The following COL10A1 variants were observed in gnomAD, a reference collection of about 807,000 sequenced individuals.
The protein encoded by COL10A1 is collagen alpha-1(X) chain.
In COL10A1, 10 loss-of-function variants were observed where a neutral mutation model predicts 18.2. The ratio of observed to expected loss-of-function variants is 0.55; its 90% CI spans 0.34 to 0.93. The LOEUF is 0.93. COL10A1 is among the 40% of genes least tolerant of loss of function. The pLI, the probability that COL10A1 is intolerant of heterozygous loss-of-function variation, is 0.02. For synonymous variants in COL10A1, 330 were observed against 316.6 expected, an observed-to-expected ratio of 1.04 and a Z score of -0.45; for missense variants, 897 against 853.5, an observed-to-expected ratio of 1.05 and a Z score of -0.64.
chr6:116,120,789 C>G lies in COL10A1; in HGVS notation c.1327G>C (p.Gly443Arg). 1 of 1,613,608 alleles carries G rather than the reference C, an allele frequency of 6.2e-7. No homozygotes were observed. Residue 443 changes from glycine (G) to arginine (R), a missense_variant, in exon 3 of 3, where the codon GGT becomes CGT. Physicochemically the swap from Gly to Arg is moderately radical, Grantham distance 125. Transcript: ENST00000651968. ...CTAGTACCTGGTATTCCAGGGGCAC[C>G]TCTTGGGCCAGCCTCTCCATTGTGT... The part of the protein sequence containing the change: ...PGHNGEAGPR[G>R]APGIPGTRGP...
At chr6:116,213,210 A>C in the COL10A1 span, among the ~76,000 whole-genome samples, 1 of 152,084 alleles carries the variant, frequency 6.6e-6, no homozygotes, top group Non-Finnish European at 1.5e-5. Flanking sequence ...TTGCAGTCAG[A>C]TGTCAGTGGG....
At chr6:116,159,574 G>T (rs79490239), upstream of COL10A1, among the ~76,000 whole-genome samples, 7 of 152,126 alleles carry the variant, frequency 4.6e-5, no homozygotes, top group African/African-American at 1.7e-4. Context: ...TGTAGCTATA[G>T]CCTGTAATTT....
At chr6:116,207,144 T>C in the COL10A1 span, among the ~76,000 whole-genome samples, 1 of 151,982 alleles carries the variant, frequency 6.6e-6, no homozygotes, top group Admixed American at 6.6e-5. Context: ...GGAGCTGATA[T>C]CTCTGCATTA....
At chr6:116,187,743 A>G in the COL10A1 span, among the ~76,000 whole-genome samples, 166 of 152,240 alleles carry the variant, frequency 1.1e-3, no homozygotes, top group Non-Finnish European at 2.0e-3. Flanking sequence ...ATGAAAGGCA[A>G]ATCAGTAAAG....
At chr6:116,146,906 A>G (rs1018347681) in intron 1 of COL10A1, among the ~76,000 whole-genome samples, 1 of 151,554 alleles carries the variant, frequency 6.6e-6, no homozygotes, top group African/African-American at 2.4e-5. Context: ...AATAAATTCC[A>G]CAGAGATCAA....
At chr6:116,160,230 C>A (rs1418145757), upstream of COL10A1, among the ~76,000 whole-genome samples, 1 of 152,130 alleles carries the variant, frequency 6.6e-6, no homozygotes, top group Non-Finnish European at 1.5e-5. Context: ...ACATTTCCAC[C>A]AACAGTGTAT....
At chr6:116,141,346 A>T (rs1779759154) in intron 1 of COL10A1, among the ~76,000 whole-genome samples, 1 of 151,746 alleles carries the variant, frequency 6.6e-6, no homozygotes, top group African/African-American at 2.4e-5. Context: ...TGTGTTGCAG[A>T]TACTTCCAGT....
chr6:116,197,986 A>G, the COL10A1 span, among the ~76,000 whole-genome samples: 1 of 152,072 alleles, frequency 6.6e-6, no homozygotes, highest in Non-Finnish European at 1.5e-5. Context: ...GTGGCAATTT[A>G]TGGCCCCAGG....
the COL10A1 span, among the ~76,000 whole-genome samples, chr6:116,211,915 C>T: frequency 1.3e-5 from 2 of 152,062 alleles, no homozygotes; most frequent in East Asian, 3.9e-4. Flanking sequence ...CACTGATGAA[C>T]AAAATGTTGC....
At chr6:116,153,332 C>T (rs1019920683) in intron 1 of COL10A1, among the ~76,000 whole-genome samples, 2 of 108,920 alleles carry the variant, frequency 1.8e-5, no homozygotes, top group Non-Finnish European at 3.7e-5. Flanking sequence ...TAAACATCAG[C>T]TCTAAAAGTT....
chr6:116,142,162 A>G (rs1582830501), intron 1 of COL10A1, among the ~76,000 whole-genome samples: 1 of 152,210 alleles, frequency 6.6e-6, no homozygotes, highest in East Asian at 1.9e-4. Flanking sequence ...TAATATATGA[A>G]ACTAATATTA....
At chr6:116,176,872 C>CA in the COL10A1 span, among the ~76,000 whole-genome samples, 1 of 152,170 alleles carries the variant, frequency 6.6e-6, no homozygotes, top group Admixed American at 6.6e-5. Context: ...GTGATCTTCT[C>CA]ACTTCTCCAA....
At chr6:116,181,478 A>G in the COL10A1 span, among the ~76,000 whole-genome samples, 1 of 152,136 alleles carries the variant, frequency 6.6e-6, no homozygotes, top group Admixed American at 6.6e-5. Flanking sequence ...TAAAAACCAT[A>G]GGAAACTAGG....
At chr6:116,165,479 T>C in the COL10A1 span, among the ~76,000 whole-genome samples, 3 of 152,262 alleles carry the variant, frequency 2.0e-5, no homozygotes, top group Non-Finnish European at 4.4e-5. Flanking sequence ...CTATAAATTA[T>C]AGATTTGGTG....
the COL10A1 span, among the ~76,000 whole-genome samples, chr6:116,166,037 C>T: frequency 1.3e-5 from 2 of 152,268 alleles, no homozygotes; most frequent in African/African-American, 4.8e-5. Flanking sequence ...ACAGCATTGC[C>T]TGGGGTCATG....
the COL10A1 span, among the ~76,000 whole-genome samples, chr6:116,172,767 C>G: frequency 1.3e-5 from 2 of 152,074 alleles, no homozygotes; most frequent in African/African-American, 4.8e-5. Flanking sequence ...ACTCAGGCAT[C>G]AAAAATAGTC....
intron 1 of COL10A1, among the ~76,000 whole-genome samples, chr6:116,145,199 C>T (rs1658463160): frequency 6.6e-6 from 1 of 152,042 alleles, no homozygotes; most frequent in Non-Finnish European, 1.5e-5. Context: ...TTGTCCTCAA[C>T]AGAGGACAAC....
Position 116,121,104 on chromosome 6 carries a change from C to G in COL10A1, c.1012G>C (p.Gly338Arg). Residue 338 changes from glycine (G) to arginine (R), a missense_variant, in exon 3 of 3, where the codon GGA becomes CGA. By Grantham distance (125) the Gly-to-Arg change is moderately radical. Transcript: ENST00000651968. ...TGGGGTCCCATATTCCCAGGGGGTC[C>G]AGTCAGACCTGGCTTCCCAGGAAGA... ...AGLPGKPGLTGPPGNMGPQGP... is the reference protein window; with the variant it reads ...AGLPGKPGLTRPPGNMGPQGP... 1 of 1,613,846 alleles carries G rather than the reference C, an allele frequency of 6.2e-7. No homozygotes were observed. Among genetic ancestry groups the G allele is most frequent in the Non-Finnish European group, 8.5e-7 (1 of 1,179,874 alleles).
the COL10A1 span, among the ~76,000 whole-genome samples, chr6:116,182,218 G>GGAGAGAGAGA: frequency 7.5e-6 from 1 of 133,330 alleles, no homozygotes; most frequent in Non-Finnish European, 1.6e-5. Context: ...AGTATTCCAT[G>GGAGAGAGAGA]GAGAGTGTGT....
Sources: gnomAD v4.1 joint callset for allele counts (sites outside exome capture counted in the v4.1 genomes callset) on GRCh38, gnomAD v4.1.1 for gene constraint, MANE v1.5 for transcripts, NCBI Gene and HGNC (gene_info 2026-07-23, HGNC 2026-07-21) for gene names.